Variants in EBF1 observed in about 807,000 individuals in gnomAD.
EBF1 encodes the protein EBF transcription factor 1.
EBF1 carries 10 observed loss-of-function variants against 68.4 expected under a neutral mutation model. The ratio of observed to expected loss-of-function variants is 0.15; its 90% CI spans 0.09 to 0.25. The LOEUF is 0.25. Ranked by LOEUF, EBF1 falls within the 10% of genes least tolerant of loss-of-function variation. EBF1 has a pLI of 1.00. For synonymous variants in EBF1, 298 were observed against 299.8 expected, an observed-to-expected ratio of 0.99 and a Z score of 0.06; for missense variants, 509 against 794.4, an observed-to-expected ratio of 0.64 and a Z score of 4.32.
chr5:158,952,025 A>C (rs1816123860), intron 6 of EBF1, among the ~76,000 whole-genome samples: 1 of 152,188 alleles, frequency 6.6e-6, no homozygotes, highest in South Asian at 2.1e-4. Context: ...TCATCCTGAA[A>C]GTCCAGGATG....
At chr5:158,905,728 T>C (rs1804440508) in intron 6 of EBF1, among the ~76,000 whole-genome samples, 1 of 152,190 alleles carries the variant, frequency 6.6e-6, no homozygotes, top group African/African-American at 2.4e-5. Context: ...ATTATTGAAA[T>C]ATGCATCACC....
chr5:158,993,657 T>C (rs1323894169), intron 6 of EBF1, among the ~76,000 whole-genome samples: 3 of 152,128 alleles, frequency 2.0e-5, no homozygotes, highest in African/African-American at 4.8e-5. Flanking sequence ...ACAATACTCA[T>C]CCTATGAGTT....
intron 10 of EBF1, among the ~76,000 whole-genome samples, chr5:158,756,384 G>T (rs1215125969): frequency 6.6e-6 from 1 of 151,940 alleles, no homozygotes; most frequent in Non-Finnish European, 1.5e-5. Flanking sequence ...CAATGGATTT[G>T]TTTTGTAAAA....
intron 10 of EBF1, among the ~76,000 whole-genome samples, chr5:158,745,370 C>T (rs1212946469): frequency 1.3e-5 from 2 of 152,110 alleles, no homozygotes; most frequent in South Asian, 2.1e-4. Context: ...CCTACTGTGA[C>T]GATAAAAACC....
chr5:159,067,906 C>T (rs1716343965), intron 6 of EBF1, among the ~76,000 whole-genome samples: 2 of 152,128 alleles, frequency 1.3e-5, no homozygotes, highest in African/African-American at 4.8e-5. Flanking sequence ...CTGCCTAGGG[C>T]AATTTTAGAG....
intron 6 of EBF1, among the ~76,000 whole-genome samples, chr5:159,011,086 T>TC (rs903861434): frequency 2.0e-5 from 3 of 152,212 alleles, no homozygotes; most frequent in African/African-American, 7.2e-5. Context: ...TTGAATTGCA[T>TC]CAGGGTCACC....
intron 10 of EBF1, among the ~76,000 whole-genome samples, chr5:158,731,614 A>C (rs1011634382): frequency 6.6e-6 from 1 of 152,208 alleles, no homozygotes; most frequent in African/African-American, 2.4e-5. Context: ...TCTCAGCACA[A>C]ATAAGCATGC....
rs772142761 is a variant in EBF1 at position 159,099,524 on chromosome 5, A to G, written c.-46T>C. On this transcript the variant is annotated 5_prime_UTR_variant, in exon 1 of 16. Coordinates refer to ENST00000313708, the MANE Select transcript of EBF1 (RefSeq NM_024007.5). Reference sequence around the variant, plus strand: ...GAAAATCTCCTCCCCCTTGAAAAAAATTAAAAAAAAAAAAAAAGGAAAGAA... The same window carrying G: ...GAAAATCTCCTCCCCCTTGAAAAAAGTTAAAAAAAAAAAAAAAGGAAAGAA... 7 of 1,340,424 alleles carry G rather than the reference A, an allele frequency of 5.2e-6. No individual in the cohort carries two copies. Among genetic ancestry groups the G allele is most frequent in the Admixed American group, 3.9e-5 (1 of 25,796 alleles). The allele number at this position is 1,340,424 out of a possible 1,614,324, so 83.0% of individuals were successfully genotyped here. A position where few individuals can be genotyped will look rare whatever the true frequency, so the allele number is the denominator to read the frequency against.
At chr5:158,761,617 C>G (rs764128662) in intron 10 of EBF1, among the ~76,000 whole-genome samples, 1 of 152,126 alleles carries the variant, frequency 6.6e-6, no homozygotes, top group African/African-American at 2.4e-5. Flanking sequence ...CTTTTTAATG[C>G]TACCCAAAAT....
intron 6 of EBF1, among the ~76,000 whole-genome samples, chr5:159,002,472 C>T (rs945072516): frequency 1.2e-4 from 18 of 152,208 alleles, no homozygotes; most frequent in African/African-American, 4.3e-4. Flanking sequence ...TAATGTGAGA[C>T]GATTGTCAGC....
At chr5:159,002,306 T>C (rs1225704866) in intron 6 of EBF1, among the ~76,000 whole-genome samples, 2 of 152,216 alleles carry the variant, frequency 1.3e-5, no homozygotes, top group Non-Finnish European at 2.9e-5. Flanking sequence ...GCCTTTCTAA[T>C]TCTCCTTTCT....
intron 8 of EBF1, among the ~76,000 whole-genome samples, chr5:158,808,420 G>T (rs1448812702): frequency 6.6e-6 from 1 of 152,078 alleles, no homozygotes; most frequent in Admixed American, 6.6e-5. Flanking sequence ...TAGCCAGCGG[G>T]ATCAAGTCCA....
At chr5:158,770,705 C>T (rs1561875528) in intron 10 of EBF1, among the ~76,000 whole-genome samples, 1 of 152,078 alleles carries the variant, frequency 6.6e-6, no homozygotes, top group Non-Finnish European at 1.5e-5. Context: ...TTCCCTAACC[C>T]CATGCTACCC....
At chr5:158,953,271 G>A (rs1816419705) in intron 6 of EBF1, among the ~76,000 whole-genome samples, 1 of 152,154 alleles carries the variant, frequency 6.6e-6, no homozygotes. Context: ...TTTGAAGACT[G>A]TTTTAAGCAG....
intron 6 of EBF1, among the ~76,000 whole-genome samples, chr5:159,055,054 A>C (rs1235852919): frequency 6.6e-6 from 1 of 152,236 alleles, no homozygotes; most frequent in African/African-American, 2.4e-5. Flanking sequence ...AGCAATAGAC[A>C]TGGGCTGTAC....
rs772406186 is a variant in EBF1, at chr5:158,909,956, T to TTAAA, written c.555-69847_555-69846insTTTA. Among the ~76,000 whole-genome samples, 51 of 46,732 alleles carry TTAAA rather than the reference T, an allele frequency of 1.1e-3. 4 individuals carry two copies. The highest frequency in any genetic ancestry group is 3.5e-3 in the African/African-American group (48 of 13,614). 30.7% of individuals were successfully genotyped at this position (46,732 alleles called of 152,430 possible). ...TGGTGACAGAACGAGACTCTGTCTA[T>TTAAA]AAAAAAAAAAAAAAAAAAAAAAAAA... On this transcript the variant is annotated intron_variant, in intron 6 of 15. Transcript: ENST00000313708.
At chr5:158,954,572 G>A (rs925087966) in intron 6 of EBF1, among the ~76,000 whole-genome samples, 4 of 152,218 alleles carry the variant, frequency 2.6e-5, no homozygotes, top group Admixed American at 6.5e-5. Flanking sequence ...ATTGGCATTG[G>A]CTTCTAACCT....
intron 10 of EBF1, among the ~76,000 whole-genome samples, chr5:158,757,206 A>G (rs1047531877): frequency 6.6e-6 from 1 of 152,128 alleles, no homozygotes; most frequent in East Asian, 1.9e-4. Flanking sequence ...AAGGCATGCT[A>G]CATGCATACA....
intron 6 of EBF1, among the ~76,000 whole-genome samples, chr5:158,867,793 G>A (rs1796200964): frequency 6.6e-6 from 1 of 152,072 alleles, no homozygotes. Context: ...TTATTACAAT[G>A]GACATAAAAA....
Sources: gnomAD v4.1 joint callset for allele counts (sites outside exome capture counted in the v4.1 genomes callset) on GRCh38, gnomAD v4.1.1 for gene constraint, MANE v1.5 for transcripts, NCBI Gene and HGNC (gene_info 2026-07-23, HGNC 2026-07-21) for gene names.